Variants in ANK2 observed in about 807,000 individuals in gnomAD.
ANK2 encodes ankyrin-2.
ANK2 carries 83 observed loss-of-function variants against 360.5 expected under a neutral mutation model. That is an observed-to-expected ratio of 0.23 (90% CI 0.19 to 0.28). The LOEUF (loss-of-function observed/expected upper bound fraction) is 0.28, where lower values mean the gene tolerates loss of function less well. ANK2 is among the 10% of genes least tolerant of loss of function. The probability of loss-of-function intolerance (pLI) is 1.00; values close to 1 mark genes in which losing one functional copy is unlikely to be tolerated. For synonymous variants in ANK2, 1,740 were observed against 1,759.5 expected, an observed-to-expected ratio of 0.99 and a Z score of 0.28; for missense variants, 4,201 against 4,795.7, an observed-to-expected ratio of 0.88 and a Z score of 3.66.
At chr4:112,713,446 GTAATCC>G in the ANK2 span, among the ~76,000 whole-genome samples, 1 of 152,298 alleles carries the variant, frequency 6.6e-6, no homozygotes, top group South Asian at 2.1e-4. Context: ...GCGCATGCCT[GTAATCC>G]TAGCTACTCG....
intron 1 of ANK2, among the ~76,000 whole-genome samples, chr4:112,837,110 A>T (rs972708948): frequency 6.6e-6 from 1 of 152,232 alleles, no homozygotes; most frequent in Non-Finnish European, 1.5e-5. Flanking sequence ...TTCATGGGCC[A>T]GGTCCAAGGC....
the ANK2 span, among the ~76,000 whole-genome samples, chr4:112,755,251 C>A: frequency 1.3e-5 from 2 of 152,288 alleles, no homozygotes; most frequent in Middle Eastern, 3.4e-3. Context: ...CACTGTCCTG[C>A]CACACACGTT....
chr4:112,815,467 A>C (rs1185494645), upstream of ANK2, among the ~76,000 whole-genome samples: 1 of 152,166 alleles, frequency 6.6e-6, no homozygotes, highest in Non-Finnish European at 1.5e-5. Context: ...GTAATTTCCT[A>C]GATAATGAGG....
chr4:113,218,954 T>C (rs2099118027), intron 4 of ANK2, among the ~76,000 whole-genome samples: 1 of 152,178 alleles, frequency 6.6e-6, no homozygotes, highest in Non-Finnish European at 1.5e-5. Context: ...TTTTGCTCTG[T>C]TGGGGGAAAA....
chr4:112,928,627 G>A (rs1459113175), intron 2 of ANK2, among the ~76,000 whole-genome samples: 2 of 151,958 alleles, frequency 1.3e-5, no homozygotes, highest in African/African-American at 4.8e-5. Context: ...GACGACTGGT[G>A]TCCTTCTAAG....
At chr4:112,922,752 G>A (rs2091826942) in intron 2 of ANK2, among the ~76,000 whole-genome samples, 1 of 152,098 alleles carries the variant, frequency 6.6e-6, no homozygotes, top group Non-Finnish European at 1.5e-5. Context: ...TCTCAGTGTT[G>A]TATTTAACCT....
intron 45 of ANK2, among the ~76,000 whole-genome samples, chr4:113,377,499 T>A (rs1268791679): frequency 6.6e-6 from 1 of 152,192 alleles, no homozygotes; most frequent in Non-Finnish European, 1.5e-5. Context: ...TTGAAACACA[T>A]CTGGTCCCAA....
intron 1 of ANK2, among the ~76,000 whole-genome samples, chr4:113,131,491 A>T (rs1472295190): frequency 6.6e-6 from 1 of 152,246 alleles, no homozygotes; most frequent in Non-Finnish European, 1.5e-5. Flanking sequence ...TGTTCCAATG[A>T]CTTATAAAAC....
intron 2 of ANK2, among the ~76,000 whole-genome samples, chr4:113,184,354 C>T (rs956340363): frequency 5.3e-5 from 8 of 151,782 alleles, no homozygotes; most frequent in Middle Eastern, 3.4e-3. Context: ...ATAAGTTTAG[C>T]CCAGACAGTC....
At chr4:113,147,885 G>A (rs966838451) in intron 1 of ANK2, among the ~76,000 whole-genome samples, 15 of 152,202 alleles carry the variant, frequency 9.9e-5, no homozygotes, top group Middle Eastern at 3.2e-3. Context: ...AAACTCAGCT[G>A]TTTTTAAATT....
chr4:113,020,659 C>G (rs567515978), intron 2 of ANK2, among the ~76,000 whole-genome samples: 32 of 152,118 alleles, frequency 2.1e-4, no homozygotes, highest in African/African-American at 7.5e-4. Context: ...GAAACCCCGT[C>G]TCTACTAAAA....
chr4:112,706,519 C>G, the ANK2 span, among the ~76,000 whole-genome samples: 1 of 152,068 alleles, frequency 6.6e-6, no homozygotes, highest in African/African-American at 2.4e-5. Flanking sequence ...ACTCATCCCT[C>G]CCACCCCGCA....
At chr4:113,011,114 G>A (rs1048639037) in intron 2 of ANK2, among the ~76,000 whole-genome samples, 1 of 147,546 alleles carries the variant, frequency 6.8e-6, no homozygotes, top group Non-Finnish European at 1.5e-5. Flanking sequence ...TGGATTTAAA[G>A]ATAATAGTAA....
At chr4:112,985,909 CAAA>C (rs1240896418) in intron 2 of ANK2, among the ~76,000 whole-genome samples, 2 of 151,578 alleles carry the variant, frequency 1.3e-5, no homozygotes, top group Non-Finnish European at 2.9e-5. Context: ...ATGGGTGCAC[CAAA>C]ATCTCAGAAA....
intron 39 of ANK2, 94 bp from the exon 40 acceptor site, chr4:113,363,244 A>T: frequency 7.8e-7 from 1 of 1,284,302 alleles, no homozygotes; most frequent in South Asian, 1.3e-5. Context: ...TCACCACAAT[A>T]TAAAGAACAC....
Position 113,357,717 on chromosome 4 carries a change from C to A in ANK2, c.9099C>A (p.Val3033=). 2 of 1,614,074 alleles carry A rather than the reference C, an allele frequency of 1.2e-6. No individual in the cohort carries two copies. The highest frequency in any genetic ancestry group is 2.2e-5 in the South Asian group (2 of 91,058). The change falls in exon 38 of 46, where the codon GTC becomes GTA. Residue 3033 remains valine (V), a synonymous_variant. Coordinates refer to ENST00000357077, the MANE Select transcript of ANK2 (RefSeq NM_001148.6). ...TTGTTGGTGAACAAATAAGCAAAGT[C>A]ATCATCACAAAAACTGATGTGGATT... is the stretch of plus-strand genomic sequence containing the variant. ...TTVVGEQISK[V]IITKTDVDSD...
rs757458376 is a variant in ANK2, at chr4:113,358,208, A to G, written c.9590A>G (p.Asp3197Gly). The part of the protein sequence containing the change: ...SEEVEEIPAS[D>G]AQLNSQMGIS... ...GAAGTAGAGGAAATACCTGCTTCGG[A>G]TGCTCAACTTAACTCCCAAATGGGG... Residue 3197 changes from aspartate to glycine, a missense_variant, in exon 38 of 46, where the codon GAT (aspartate) becomes GGT (glycine). By Grantham distance (94) the Asp-to-Gly change is moderately conservative (BLOSUM62 -1). Around this residue, in one of 4 missense-constraint regions of ANK2, gnomAD observed 2,642 missense variants for 2,714.5 expected, o/e 0.97. Transcript: ENST00000357077. 6 of 1,614,092 alleles carry G rather than the reference A, an allele frequency of 3.7e-6. No homozygotes were observed. In the African/African-American group the frequency reaches 6.7e-5, roughly 18 times the overall value.
At chr4:113,116,420 A>G (rs1456721417) in intron 1 of ANK2, among the ~76,000 whole-genome samples, 1 of 152,084 alleles carries the variant, frequency 6.6e-6, no homozygotes, top group African/African-American at 2.4e-5. Flanking sequence ...GCTCTTTTCT[A>G]TGCTTAATGC....
chr4:112,962,127 T>C (rs1481770491), intron 2 of ANK2, among the ~76,000 whole-genome samples: 1 of 152,146 alleles, frequency 6.6e-6, no homozygotes. Flanking sequence ...GCAGGTTTGT[T>C]ATGTGGATAT....
Sources: gnomAD v4.1 joint callset for allele counts (sites outside exome capture counted in the v4.1 genomes callset) on GRCh38, gnomAD v4.1.1 for gene constraint, gnomAD v4.1.1 regional missense constraint, MANE v1.5 for transcripts, NCBI Gene and HGNC (gene_info 2026-07-23, HGNC 2026-07-21) for gene names.